Variants in CYP27B1 observed in about 807,000 individuals in gnomAD.
CYP27B1 encodes the protein 25-hydroxyvitamin D-1 alpha hydroxylase, mitochondrial.
A neutral mutation model predicts 54.8 loss-of-function variants in CYP27B1; 46 were observed. That is an observed-to-expected ratio of 0.84 (90% confidence interval 0.66 to 1.07). The LOEUF is 1.07. Ranked by LOEUF, CYP27B1 falls within the 50% of genes least tolerant of loss-of-function variation. The pLI is 0.00. For synonymous variants in CYP27B1, 292 were observed against 297.3 expected, an observed-to-expected ratio of 0.98 and a Z score of 0.18; for missense variants, 674 against 692.2, an observed-to-expected ratio of 0.97 and a Z score of 0.30.
intron 1 of CYP27B1, 92 bp downstream of exon 1, chr12:57,766,755 T>C (rs2083924183): frequency 1.5e-6 from 2 of 1,352,486 alleles, no homozygotes; most frequent in Non-Finnish European, 1.1e-6. Context: ...TCTCTGGCTG[T>C]CCCACATTTG....
At chr12:57,763,829 C>A in intron 7 of CYP27B1, 21 bp from the exon 8 acceptor site, 3 of 1,613,066 alleles carry the variant, frequency 1.9e-6, no homozygotes, top group Non-Finnish European at 2.5e-6. Flanking sequence ...GGAAAACAAA[C>A]TTGTCAGTTT....
chr12:57,766,113 C>A lies in CYP27B1; in HGVS notation c.280G>T (p.Val94Phe). 1 of 1,546,266 alleles carries A rather than the reference C, an allele frequency of 6.5e-7. No homozygotes were observed. Among genetic ancestry groups the A allele is most frequent in the East Asian group, 2.4e-5 (1 of 41,342 alleles). ...RTVYVAAPAL[V>F]EELLRQEGPR... ...CCCTCCTGTCGCAGCAGCTCCTCGA[C>A]GAGTGCAGGGGCAGCCACGTACACG... is the stretch of plus-strand genomic sequence containing the variant. Residue 94 changes from valine (V) to phenylalanine (F), a missense_variant, in exon 2 of 9, where the codon GTC (valine) becomes TTC (phenylalanine). Transcript: ENST00000228606.
Position 57,762,795 on chromosome 12 carries a change from G to T in CYP27B1, c.*347C>A, listed in dbSNP as rs1955328811. 5.7e-6 allele frequency: 2 copies of T among 351,916 alleles called. No individual in the cohort carries two copies. Among genetic ancestry groups the T allele is most frequent in the Non-Finnish European group, 5.6e-6 (1 of 179,640 alleles). The allele number at this position is 351,916 out of a possible 1,614,324, so 21.8% of individuals were successfully genotyped here. A position where few individuals can be genotyped will look rare whatever the true frequency, so the allele number is the denominator to read the frequency against. On this transcript the variant is annotated 3_prime_UTR_variant, in exon 9 of 9. Coordinates refer to ENST00000228606, the MANE Select transcript of CYP27B1 (RefSeq NM_000785.4). Reference sequence around the variant, plus strand: ...TTATGCTTTGATAAATGCTTAGCCAGCAGCATCAATGAACACTATGAAAGC... The same window carrying T: ...TTATGCTTTGATAAATGCTTAGCCATCAGCATCAATGAACACTATGAAAGC...
At chr12:57,766,604 T>TG in intron 1 of CYP27B1, 1 of 594,798 alleles carries the variant, frequency 1.7e-6, no homozygotes, top group East Asian at 2.8e-5. Context: ...GTACTTTATC[T>TG]GCAGGATCTC....
At chr12:57,766,376 A>G in intron 1 of CYP27B1, 179 bp from the exon 2 acceptor site, 2 of 876,636 alleles carry the variant, frequency 2.3e-6, no homozygotes, top group Non-Finnish European at 3.3e-6. Flanking sequence ...TCCCATCCCT[A>G]GAAAGTTTGA....
chr12:57,765,391 A>G lies in CYP27B1; in HGVS notation c.495T>C (p.Leu165=). 6.2e-7 allele frequency: 1 copy of G among 1,613,322 alleles called. No individual in the cohort carries two copies. The highest frequency in any genetic ancestry group is 8.5e-7 in the Non-Finnish European group (1 of 1,179,722). ...CCCGCTGGCGCCTCAGACGCCGCAC[A>G]AGGTCGCAGACTACGTTGTTCAGGG... ...AGTLNNVVCD[L]VRRLRRQRGR... The change falls in exon 3 of 9, where the codon CTT becomes CTC. Residue 165 remains leucine (L), a synonymous_variant. Coordinates refer to ENST00000228606, the MANE Select transcript of CYP27B1 (RefSeq NM_000785.4). This position sits in a 1 kb window ranked among gnomAD's most constrained non-coding sequence, Gnocchi z 5.8.
Position 57,765,684 on chromosome 12 carries a change from C to T in CYP27B1, c.387-185G>A. The T allele has an allele frequency of 1.2e-6, 1 of 863,516 alleles. No homozygotes were observed. Among genetic ancestry groups the T allele is most frequent in the Non-Finnish European group, 1.9e-6 (1 of 527,808 alleles). 53.5% of individuals were successfully genotyped at this position (863,516 alleles called of 1,614,324 possible). A position where few individuals can be genotyped will look rare whatever the true frequency, so the allele number is the denominator to read the frequency against. On this transcript the variant is annotated intron_variant, in intron 2 of 8. Coordinates refer to ENST00000228606, the MANE Select transcript of CYP27B1 (RefSeq NM_000785.4). This position sits in a 1 kb window ranked among gnomAD's most constrained non-coding sequence, Gnocchi z 5.8. Reference sequence around the variant, plus strand: ...CCCCTTCCTCTTTACTCATTTCCTGCCCTCAGGGGCCGGGGTTCCCGGGTA... The same window carrying T: ...CCCCTTCCTCTTTACTCATTTCCTGTCCTCAGGGGCCGGGGTTCCCGGGTA...
Position 57,765,603 on chromosome 12 carries a change from T to A in CYP27B1, c.387-104A>T. 1 of 1,211,318 alleles carries A rather than the reference T, an allele frequency of 8.3e-7. No homozygotes were observed. The highest frequency in any genetic ancestry group is 1.2e-6 in the Non-Finnish European group (1 of 836,462). 75.0% of individuals were successfully genotyped at this position (1,211,318 alleles called of 1,614,324 possible). A position where few individuals can be genotyped will look rare whatever the true frequency, so the allele number is the denominator to read the frequency against. ...CGGCTGCGGTGGCCAGGAGAGGGAT[T>A]GCGTCTGCCCCCTTGGGGTACGGAA... On this transcript the variant is annotated intron_variant, in intron 2 of 8. Transcript: ENST00000228606. This position sits in a 1 kb window ranked among gnomAD's most constrained non-coding sequence, Gnocchi z 5.8.
At position 57,762,916 on chromosome 12, in the gene CYP27B1, G is replaced by A. The variant is rs1955329898; in HGVS notation, c.*226C>T. On this transcript the variant is annotated 3_prime_UTR_variant, in exon 9 of 9. Coordinates refer to ENST00000228606, the MANE Select transcript of CYP27B1 (RefSeq NM_000785.4). Reference sequence around the variant, plus strand: ...TGGGGGATGCATACATGATCAGAAGGGCCAAGCAAGCAGAGAGACCATGGT... The same window carrying A: ...TGGGGGATGCATACATGATCAGAAGAGCCAAGCAAGCAGAGAGACCATGGT... The A allele has an allele frequency of 3.7e-6, 2 of 539,806 alleles. No homozygotes were observed. The highest frequency in any genetic ancestry group is 1.9e-5 in the African/African-American group (1 of 52,940). 33.4% of individuals were successfully genotyped at this position (539,806 alleles called of 1,614,324 possible).
In CYP27B1 at chr12:57,764,312, T is replaced by G. The variant is rs1232261221; in HGVS notation, c.1136+66A>C. 5.6e-6 allele frequency: 9 copies of G among 1,600,702 alleles called. No individual in the cohort carries two copies. The South Asian group carries it at 8.8e-5, about 16-fold the overall frequency. On this transcript the variant is annotated intron_variant, in intron 6 of 8. Coordinates refer to ENST00000228606, the MANE Select transcript of CYP27B1 (RefSeq NM_000785.4). ...TTTCTCTGCTATCTCCCTGCTTCCA[T>G]CCACTAGTTGCTTCCCCAGCCCTTC...
In CYP27B1 at chr12:57,765,214, T is replaced by G. The variant is rs2427640; in HGVS notation, c.590-3A>C. 3 of 1,612,124 alleles carry G rather than the reference T, an allele frequency of 1.9e-6. No homozygotes were observed. The South Asian group carries it at 3.3e-5, about 18-fold the overall frequency. Reference sequence around the variant, plus strand: ...GCCGAGCAGAACCGCGGCGATGCCTTGTCGGGAGGGGGCGCCGTCAGGGTT... The same window carrying G: ...GCCGAGCAGAACCGCGGCGATGCCTGGTCGGGAGGGGGCGCCGTCAGGGTT... On this transcript the variant is annotated splice_region_variant and splice_polypyrimidine_tract_variant and intron_variant, in intron 3 of 8. Transcript: ENST00000228606. This position sits in a 1 kb window ranked among gnomAD's most constrained non-coding sequence, Gnocchi z 5.8.
In CYP27B1 at chr12:57,764,853, C is replaced by A. The variant is rs1451625179; in HGVS notation, c.864G>T (p.Glu288Asp). The A allele has an allele frequency of 1.2e-6, 2 of 1,614,206 alleles. No individual in the cohort carries two copies. The highest frequency in any genetic ancestry group is 3.3e-5 in the Admixed American group (2 of 60,030). ...RNGGQPEKDL[E>D]SGAHLTHFLF... ...GGAAGTGGGTCAGGTGCGCCCCAGA[C>A]TCCAGGTCCTTCTCGGGCTGTCCTC... The change falls in exon 5 of 9, where the codon GAG (glutamate) becomes GAT (aspartate). Residue 288 changes from glutamate (E) to aspartate (D), a missense_variant. Transcript: ENST00000228606.
rs1378651867 is a variant in CYP27B1 at position 57,764,373 on chromosome 12, C to G, written c.1136+5G>C. The G allele has an allele frequency of 3.1e-6, 5 of 1,614,210 alleles. No homozygotes were observed. The highest frequency in any genetic ancestry group is 3.3e-5 in the Admixed American group (2 of 60,030). ...CCTCTTGTTCCTCCTCTCCTTCCCC[C>G]TCACCTTAGCACTTCCTTGACCACC... On this transcript the variant is annotated splice_donor_5th_base_variant and intron_variant, in intron 6 of 8. Transcript: ENST00000228606.
At position 57,767,021 on chromosome 12, in the gene CYP27B1, G is replaced by C. The variant is rs778438734; in HGVS notation, c.21C>G (p.Tyr7Ter). The change falls in exon 1 of 9, where the codon TAC (tyrosine) becomes TAG (stop). Residue 7 changes from tyrosine to a stop codon, truncating the protein, a stop_gained. Transcript: ENST00000228606. LOFTEE classifies it high-confidence loss of function. ...GGACGCGATGGAACACTCTGGAGGC[G>C]TACTTGAGGGTCTGGGTCATGGTCT... MTQTLK[Y>*]ASRVFHRVRW... 5 of 1,614,192 alleles carry C rather than the reference G, an allele frequency of 3.1e-6. No individual in the cohort carries two copies. The Admixed American group carries it at 8.3e-5, about 27-fold the overall frequency.
rs1326116746 is a variant in CYP27B1, at chr12:57,764,879, C to T, written c.838G>A (p.Gly280Arg). ...TCCAGGTCCTTCTCGGGCTGTCCTC[C>T]GTTCCTCATGGCTGCCTCTGCCTCT... Reference protein sequence around the residue: ...RREAEAAMRNGGQPEKDLESG... With the variant: ...RREAEAAMRNRGQPEKDLESG... Residue 280 changes from glycine to arginine, a missense_variant, in exon 5 of 9, where the codon GGA becomes AGA. Coordinates refer to ENST00000228606, the MANE Select transcript of CYP27B1 (RefSeq NM_000785.4). 3 of 1,614,190 alleles carry T rather than the reference C, an allele frequency of 1.9e-6. 1 individual carries two copies. The highest frequency in any genetic ancestry group is 1.6e-4 in the Middle Eastern group (1 of 6,062).
chr12:57,762,725 G>A lies in CYP27B1; in HGVS notation c.*417C>T. ...TCCTCTCAAAGAGCTTACATGCAAA[G>A]ACGAAGGACCAACCAGGTACAGACC... On this transcript the variant is annotated 3_prime_UTR_variant, in exon 9 of 9. Coordinates refer to ENST00000228606, the MANE Select transcript of CYP27B1 (RefSeq NM_000785.4). The A allele has an allele frequency of 3.6e-6, 1 of 274,472 alleles. No individual in the cohort carries two copies. The highest frequency in any genetic ancestry group is 7.2e-6 in the Non-Finnish European group (1 of 139,098). The allele number at this position is 274,472 out of a possible 1,614,324, so 17.0% of individuals were successfully genotyped here.
At position 57,765,246 on chromosome 12, in the gene CYP27B1, G is replaced by T. The variant is rs778531241; in HGVS notation, c.590-35C>A. Reference sequence around the variant, plus strand: ...AGGGGGCGCCGTCAGGGTTCCGGGAGGCTCTGGTAGGGCGCCCCCGACGCC... The same window carrying T: ...AGGGGGCGCCGTCAGGGTTCCGGGATGCTCTGGTAGGGCGCCCCCGACGCC... On this transcript the variant is annotated intron_variant, in intron 3 of 8. Transcript: ENST00000228606. This position sits in a 1 kb window ranked among gnomAD's most constrained non-coding sequence, Gnocchi z 5.8. The T allele has an allele frequency of 1.2e-6, 2 of 1,611,576 alleles. No individual in the cohort carries two copies. The highest frequency in any genetic ancestry group is 1.7e-6 in the Non-Finnish European group (2 of 1,179,148).
At position 57,763,592 on chromosome 12, in the gene CYP27B1, T is replaced by A. The variant is rs1955335413; in HGVS notation, c.1413+19A>T. On this transcript the variant is annotated intron_variant, in intron 8 of 8. Coordinates refer to ENST00000228606, the MANE Select transcript of CYP27B1 (RefSeq NM_000785.4). ...GGGTCTCTCCAGTCTGGGGAAGGTA[T>A]AAAATCTAGAGCACTCACCTGGGCC... 6.2e-7 allele frequency: 1 copy of A among 1,610,910 alleles called. No individual in the cohort carries two copies. Among genetic ancestry groups the A allele is most frequent in the Non-Finnish European group, 8.5e-7 (1 of 1,177,502 alleles).
intron 1 of CYP27B1, 56 bp from the exon 2 acceptor site, chr12:57,766,253 A>G: frequency 6.8e-7 from 1 of 1,475,786 alleles, no homozygotes. Flanking sequence ...TTTCAGCTTG[A>G]CCTGTGCCCA....
Sources: gnomAD v4.1 joint callset for allele counts on GRCh38, gnomAD v4.1.1 for gene constraint, Gnocchi (gnomAD v3.1) non-coding constraint, MANE v1.5 for transcripts, NCBI Gene and HGNC (gene_info 2026-07-23, HGNC 2026-07-21) for gene names.